The following SLC7A13 variants were observed in gnomAD, a reference collection of about 807,000 sequenced individuals.
SLC7A13 encodes solute carrier family 7 member 13.
In SLC7A13, 31 loss-of-function variants were observed where a neutral mutation model predicts 32.0. The observed-to-expected ratio is 0.97, with a 90% CI of 0.73 to 1.31. The LOEUF is 1.31. SLC7A13 is among the 50% of genes most tolerant of loss of function. SLC7A13 has a pLI of 0.00. For synonymous variants in SLC7A13, 232 were observed against 206.9 expected (o/e 1.12, Z -1.04); for missense variants, 633 against 546.9 (o/e 1.16, Z -1.57).
chr8:86,225,533 T>C (rs1820375557), intron 1 of SLC7A13, among the ~76,000 whole-genome samples: 1 of 152,212 alleles, frequency 6.6e-6, no homozygotes, highest in Non-Finnish European at 1.5e-5. Flanking sequence ...ATGTACTTGA[T>C]ATGTAAAGAG....
At chr8:86,222,899 C>A in intron 2 of SLC7A13, 73 bp downstream of exon 2, 1 of 1,398,544 alleles carries the variant, frequency 7.2e-7, no homozygotes, top group South Asian at 1.8e-5. Flanking sequence ...AACAGTGGTT[C>A]TGACTGGTGA....
At chr8:86,224,055 A>G (rs1038215996) in intron 1 of SLC7A13, among the ~76,000 whole-genome samples, 7 of 152,132 alleles carry the variant, frequency 4.6e-5, no homozygotes, top group African/African-American at 4.8e-5. Context: ...CAGAAACTAC[A>G]TGAAATTTGA....
In SLC7A13 at chr8:86,214,308, A is replaced by G. The variant is rs905030374; in HGVS notation, c.*105T>C. 4.4e-6 allele frequency: 3 copies of G among 685,524 alleles called. No homozygotes were observed. The African/African-American group carries it at 5.4e-5, about 12-fold the overall frequency. The allele number at this position is 685,524 out of a possible 1,614,324, so 42.5% of individuals were successfully genotyped here. ...TTCATTTGAGAAAAAAATATTTACCATAGGAATTTCACCATGAATGTTCTA... is the reference window on the plus strand; with the variant it reads ...TTCATTTGAGAAAAAAATATTTACCGTAGGAATTTCACCATGAATGTTCTA... On this transcript the variant is annotated 3_prime_UTR_variant, in exon 4 of 4. Transcript: ENST00000297524.
chr8:86,229,524 A>T (rs1369476063), intron 1 of SLC7A13, 69 bp downstream of exon 1: 9 of 1,297,792 alleles, frequency 6.9e-6, no homozygotes, highest in Non-Finnish European at 9.6e-6. Context: ...AAATACAACA[A>T]ATGATATGCA....
intron 1 of SLC7A13, among the ~76,000 whole-genome samples, chr8:86,229,152 T>C (rs1012090390): frequency 6.8e-6 from 1 of 147,910 alleles, no homozygotes; most frequent in Admixed American, 6.9e-5. Flanking sequence ...AAAATTATAA[T>C]AAAATATAAA....
Position 86,223,092 on chromosome 8 carries a change from T to C in SLC7A13, c.697A>G (p.Lys233Glu). Residue 233 changes from lysine (K) to glutamate (E), a missense_variant, in exon 2 of 4, where the codon AAG becomes GAG. By Grantham distance (56) the Lys-to-Glu change is moderately conservative. Transcript: ENST00000297524. ...CATTTGGGAATTGTTGTTCTGGGCT[T>C]CTTCAGCTCCCCTATAACACAAAAG... ...CFTLIAGELKKPRTTIPKCIF... is the reference protein window; with the variant it reads ...CFTLIAGELKEPRTTIPKCIF... The C allele has an allele frequency of 6.2e-7, 1 of 1,600,162 alleles. No individual in the cohort carries two copies. Among genetic ancestry groups the C allele is most frequent in the Non-Finnish European group, 8.5e-7 (1 of 1,173,660 alleles).
intron 1 of SLC7A13, 28 bp downstream of exon 1, chr8:86,229,565 T>A: frequency 6.5e-7 from 1 of 1,547,398 alleles, no homozygotes; most frequent in Non-Finnish European, 8.7e-7. Context: ...GTCATGATTT[T>A]AGATTTTTTT....
At chr8:86,216,803 A>C (rs1292081340) in intron 3 of SLC7A13, among the ~76,000 whole-genome samples, 1 of 152,174 alleles carries the variant, frequency 6.6e-6, no homozygotes, top group Non-Finnish European at 1.5e-5. Context: ...CCTTTTTATT[A>C]CTAAGAGGAT....
In SLC7A13 at chr8:86,224,925, C is replaced by T. The variant is rs187674857; in HGVS notation, c.686-1822G>A. Among the ~76,000 whole-genome samples the T allele has an allele frequency of 1.9e-3, 284 of 151,856 alleles. 1 individual carries two copies. Among genetic ancestry groups the T allele is most frequent in the African/African-American group, 6.7e-3 (276 of 41,394 alleles). ...ATTTATTTTATAGAGACGGGGGTCT[C>T]GCTATGTTGCCTGGACTGGTCTTGA... is the stretch of plus-strand genomic sequence containing the variant. On this transcript the variant is annotated intron_variant, in intron 1 of 3. Coordinates refer to ENST00000297524, the MANE Select transcript of SLC7A13 (RefSeq NM_138817.3).
At position 86,217,585 on chromosome 8, in the gene SLC7A13, C is replaced by G. The variant is rs1820209333; in HGVS notation, c.1064G>C (p.Ser355Thr). The G allele has an allele frequency of 1.9e-6, 3 of 1,613,024 alleles. No homozygotes were observed. Among genetic ancestry groups the G allele is most frequent in the African/African-American group, 1.3e-5 (1 of 74,784 alleles). Residue 355 changes from serine to threonine, a missense_variant, in exon 3 of 4, where the codon AGT (serine) becomes ACT (threonine). Coordinates refer to ENST00000297524, the MANE Select transcript of SLC7A13 (RefSeq NM_138817.3). ...TLGSLAIILT[S>T]LIDLINYIFF... Reference sequence around the variant, plus strand: ...AATATAGTTTATCAAATCAATTAGACTTGTTAAGATAATTGCAAGGGATCC... The same window carrying G: ...AATATAGTTTATCAAATCAATTAGAGTTGTTAAGATAATTGCAAGGGATCC...
At chr8:86,225,016 C>T (rs1459177283) in intron 1 of SLC7A13, among the ~76,000 whole-genome samples, 1 of 152,012 alleles carries the variant, frequency 6.6e-6, no homozygotes, top group Non-Finnish European at 1.5e-5. Context: ...CGTGAGTCAC[C>T]ATGTCCAGTC....
rs117440173 is a variant in SLC7A13, at chr8:86,227,926, G to T, written c.685+1667C>A. Among the ~76,000 whole-genome samples, 1,022 of 152,242 alleles carry T rather than the reference G, an allele frequency of 6.7e-3. 9 individuals carry two copies. Among genetic ancestry groups the T allele is most frequent in the East Asian group, 0.036 (186 of 5,174 alleles). On this transcript the variant is annotated intron_variant, in intron 1 of 3. Coordinates refer to ENST00000297524, the MANE Select transcript of SLC7A13 (RefSeq NM_138817.3). The stretch of plus-strand genomic sequence containing the variant: ...ATACAGAGGAAATTGTGACACTGAG[G>T]ATTCCAAAAGTGGGGAGAGTGGGTG...
At chr8:86,225,804 G>T (rs917661785) in intron 1 of SLC7A13, among the ~76,000 whole-genome samples, 1 of 152,070 alleles carries the variant, frequency 6.6e-6, no homozygotes, top group African/African-American at 2.4e-5. Flanking sequence ...GATGGTGAGT[G>T]CCTGTAGTCG....
rs1820211573 is a variant in SLC7A13, at chr8:86,217,654, C to T, written c.995G>A (p.Ser332Asn). The T allele has an allele frequency of 6.2e-7, 1 of 1,613,304 alleles. No individual in the cohort carries two copies. Residue 332 changes from serine (S) to asparagine (N), a missense_variant, in exon 3 of 4, where the codon AGT (serine) becomes AAT (asparagine). Physicochemically the swap from Ser to Asn is conservative, Grantham distance 46. Coordinates refer to ENST00000297524, the MANE Select transcript of SLC7A13 (RefSeq NM_138817.3). ...CACAGCTGTAAATGGAGAAGAGTGA[C>T]TATTAAGTGTATTAAATAGCAAAGG... Reference protein sequence around the residue: ...QLPLLFNTLNSHSSPFTAVLL... With the variant: ...QLPLLFNTLNNHSSPFTAVLL...
intron 2 of SLC7A13, among the ~76,000 whole-genome samples, chr8:86,220,017 C>T (rs942666006): frequency 4.6e-5 from 7 of 151,914 alleles, no homozygotes; most frequent in African/African-American, 1.7e-4. Flanking sequence ...CTCACTTTCT[C>T]TTCAAAATTC....
Position 86,217,530 on chromosome 8 carries a change from T to C in SLC7A13, c.1119A>G (p.Leu373=). Residue 373 remains leucine, a synonymous_variant, in exon 3 of 4, where the codon TTA becomes TTG. Coordinates refer to ENST00000297524, the MANE Select transcript of SLC7A13 (RefSeq NM_138817.3). Reference sequence around the variant, plus strand: ...TCCGCCTTAGTATTCCTATCATTAATAATATAGACCATAATGAACCCGTGA... The same window carrying C: ...TCCGCCTTAGTATTCCTATCATTAACAATATAGACCATAATGAACCCGTGA... The part of the protein sequence containing the change: ...IFFTGSLWSI[L]LMIGILRRRY... The C allele has an allele frequency of 1.2e-6, 2 of 1,608,424 alleles. No individual in the cohort carries two copies. The highest frequency in any genetic ancestry group is 1.7e-6 in the Non-Finnish European group (2 of 1,177,466).
intron 2 of SLC7A13, among the ~76,000 whole-genome samples, chr8:86,220,134 G>A (rs1162097345): frequency 6.6e-6 from 1 of 151,998 alleles, no homozygotes; most frequent in Admixed American, 6.6e-5. Flanking sequence ...GGCTGCATCT[G>A]GACAGGGAAA....
At chr8:86,223,175 A>G in intron 1 of SLC7A13, 72 bp from the exon 2 acceptor site, 1 of 1,383,580 alleles carries the variant, frequency 7.2e-7, no homozygotes, top group Non-Finnish European at 9.6e-7. Flanking sequence ...TTAGATTATT[A>G]TTTTTGTATT....
Position 86,214,539 on chromosome 8 carries a change from A to T in SLC7A13, c.1287T>A (p.Val429=). 1 of 1,613,628 alleles carries T rather than the reference A, an allele frequency of 6.2e-7. No homozygotes were observed. The highest frequency in any genetic ancestry group is 1.3e-5 in the African/African-American group (1 of 75,032). ...GTATGTAAAATAGTAATCCGCTGAG[A>T]ACTAACAGAAGCACGTAGACATAAT... ...NVHYVYVLLL[V]LSGLLFYIPL... The change falls in exon 4 of 4, where the codon GTT becomes GTA. Residue 429 remains valine, a synonymous_variant. Transcript: ENST00000297524.
Sources: gnomAD v4.1 joint callset for allele counts (sites outside exome capture counted in the v4.1 genomes callset) on GRCh38, gnomAD v4.1.1 for gene constraint, MANE v1.5 for transcripts, NCBI Gene and HGNC (gene_info 2026-07-23, HGNC 2026-07-21) for gene names.